The following LRRC28 variants were observed in gnomAD, a reference collection of about 807,000 sequenced individuals.
LRRC28 encodes leucine rich repeat containing 28, also known as leucine-rich repeat-containing protein 28.
In LRRC28, 39 loss-of-function variants were observed where a neutral mutation model predicts 45.7. The ratio of observed to expected loss-of-function variants is 0.85; its 90% CI spans 0.66 to 1.12. The LOEUF is 1.12. Ranked by LOEUF, LRRC28 falls within the 50% of genes most tolerant of loss-of-function variation. The pLI is 0.00. For synonymous variants in LRRC28, 206 were observed against 178.8 expected, an observed-to-expected ratio of 1.15 and a Z score of -1.22; for missense variants, 435 against 438.5, an observed-to-expected ratio of 0.99 and a Z score of 0.07.
intron 3 of LRRC28, chr15:99,285,719 G>A (rs2081940485): frequency 1.8e-6 from 1 of 563,630 alleles, no homozygotes; most frequent in East Asian, 3.5e-5. Context: ...ATAATAGTGG[G>A]TACTTTAGTT....
In LRRC28 at chr15:99,386,072, G is replaced by C; in HGVS notation, c.1074G>C (p.Gln358His). Reference protein sequence around the residue: ...VSFVAYCCSTQCLQTFDLLS With the variant: ...VSFVAYCCSTHCLQTFDLLS ...TTGTGGCTTACTGCTGCTCCACCCAGTGTCTGCAGACTTTTGACCTGCTGA... is the reference window on the plus strand; with the variant it reads ...TTGTGGCTTACTGCTGCTCCACCCACTGTCTGCAGACTTTTGACCTGCTGA... Residue 358 changes from glutamine (Q) to histidine (H), a missense_variant, in exon 10 of 10, where the codon CAG becomes CAC. By Grantham distance (24) the Gln-to-His change is conservative. Transcript: ENST00000301981. 1 of 1,614,140 alleles carries C rather than the reference G, an allele frequency of 6.2e-7. No homozygotes were observed. The highest frequency in any genetic ancestry group is 8.5e-7 in the Non-Finnish European group (1 of 1,180,016).
intron 2 of LRRC28, among the ~76,000 whole-genome samples, chr15:99,275,514 A>T (rs1334191464): frequency 6.6e-6 from 1 of 152,172 alleles, no homozygotes; most frequent in Non-Finnish European, 1.5e-5. Context: ...GAGGAGCATG[A>T]TTTGGGAATT....
intron 6 of LRRC28, among the ~76,000 whole-genome samples, chr15:99,339,559 C>T (rs942354616): frequency 6.6e-6 from 1 of 152,046 alleles, no homozygotes; most frequent in Non-Finnish European, 1.5e-5. Flanking sequence ...GGTGAAACCC[C>T]GTCTCTACTA....
At chr15:99,371,570 A>G (rs1256432951) in intron 9 of LRRC28, among the ~76,000 whole-genome samples, 1 of 152,158 alleles carries the variant, frequency 6.6e-6, no homozygotes, top group African/African-American at 2.4e-5. Context: ...GAAATGTTTC[A>G]TATTTCCTTA....
At chr15:99,374,328 T>A (rs2152335746) in intron 9 of LRRC28, among the ~76,000 whole-genome samples, 1 of 152,372 alleles carries the variant, frequency 6.6e-6, no homozygotes, top group East Asian at 1.9e-4. Flanking sequence ...CCTAAGTTTA[T>A]ATCAAAATAT....
intron 1 of LRRC28, among the ~76,000 whole-genome samples, chr15:99,252,191 C>T (rs2080835335): frequency 6.6e-6 from 1 of 152,254 alleles, no homozygotes; most frequent in African/African-American, 2.4e-5. Flanking sequence ...TATAACTATA[C>T]AAGAGGTAGT....
intron 5 of LRRC28, among the ~76,000 whole-genome samples, chr15:99,301,457 A>G (rs1954966132): frequency 6.6e-6 from 1 of 152,206 alleles, no homozygotes. Flanking sequence ...TGAACTTTAT[A>G]GATAAAACTA....
chr15:99,357,263 T>C (rs1227772190), intron 7 of LRRC28, among the ~76,000 whole-genome samples: 1 of 152,202 alleles, frequency 6.6e-6, no homozygotes, highest in Non-Finnish European at 1.5e-5. Context: ...CTCCTCACTA[T>C]AATAGGCCCA....
intron 5 of LRRC28, among the ~76,000 whole-genome samples, chr15:99,311,651 T>C (rs1032609563): frequency 6.6e-6 from 1 of 152,204 alleles, no homozygotes; most frequent in African/African-American, 2.4e-5. Flanking sequence ...TGTAATTGCC[T>C]GCAAGTTCAG....
chr15:99,268,781 G>A (rs1030870928), intron 2 of LRRC28, among the ~76,000 whole-genome samples: 3 of 152,084 alleles, frequency 2.0e-5, no homozygotes, highest in Admixed American at 2.0e-4. Context: ...ATTTTTGTGT[G>A]TATTTTTATA....
chr15:99,296,501 A>T (rs1481576949), intron 5 of LRRC28, among the ~76,000 whole-genome samples: 3 of 152,238 alleles, frequency 2.0e-5, no homozygotes, highest in African/African-American at 4.8e-5. Context: ...CACTGATTAC[A>T]CATCAGTCTG....
At chr15:99,324,527 C>G (rs1214280354) in intron 5 of LRRC28, among the ~76,000 whole-genome samples, 1 of 152,054 alleles carries the variant, frequency 6.6e-6, no homozygotes, top group Non-Finnish European at 1.5e-5. Flanking sequence ...GGCTTCCTTC[C>G]CATTCCCATT....
intron 2 of LRRC28, among the ~76,000 whole-genome samples, chr15:99,265,974 A>G (rs2081322511): frequency 6.6e-6 from 1 of 152,212 alleles, no homozygotes; most frequent in South Asian, 2.1e-4. Context: ...CTACTTGCTA[A>G]TTTTATTTTA....
chr15:99,284,436 A>C (rs150970588), intron 3 of LRRC28, among the ~76,000 whole-genome samples: 16 of 152,354 alleles, frequency 1.1e-4, no homozygotes, highest in African/African-American at 3.6e-4. Context: ...ACAGTTATTC[A>C]CAAATACAGT....
At chr15:99,266,003 AAAG>A (rs916838794) in intron 2 of LRRC28, among the ~76,000 whole-genome samples, 3 of 152,234 alleles carry the variant, frequency 2.0e-5, no homozygotes, top group African/African-American at 7.2e-5. Flanking sequence ...AATGGACAAA[AAAG>A]AGGTATCCAA....
chr15:99,381,352 G>A (rs972670549), intron 9 of LRRC28, among the ~76,000 whole-genome samples: 7 of 152,190 alleles, frequency 4.6e-5, no homozygotes, highest in Admixed American at 1.3e-4. Flanking sequence ...CATTTGTCAT[G>A]TAGTTCTCGC....
chr15:99,383,596 C>T (rs981688174), intron 9 of LRRC28, among the ~76,000 whole-genome samples: 1 of 152,212 alleles, frequency 6.6e-6, no homozygotes, highest in Non-Finnish European at 1.5e-5. Context: ...TTTGAAACTG[C>T]ACTGATGTAG....
At chr15:99,282,191 T>TTTTTTTTTTTTTTTTTTTTTTTTTG (rs1327794715) in intron 3 of LRRC28, among the ~76,000 whole-genome samples, 1 of 138,286 alleles carries the variant, frequency 7.2e-6, no homozygotes, top group Non-Finnish European at 1.6e-5. Flanking sequence ...TTTTTTTTTT[T>TTTTTTTTTTTTTTTTTTTTTTTTTG]GTAGCAGTAG....
At chr15:99,336,342 G>C (rs1373305190) in intron 6 of LRRC28, among the ~76,000 whole-genome samples, 4 of 152,130 alleles carry the variant, frequency 2.6e-5, no homozygotes, top group African/African-American at 9.7e-5. Context: ...GCTAGTAAGA[G>C]ACAGAATTGA....
Sources: gnomAD v4.1 joint callset for allele counts (sites outside exome capture counted in the v4.1 genomes callset) on GRCh38, gnomAD v4.1.1 for gene constraint, MANE v1.5 for transcripts, NCBI Gene and HGNC (gene_info 2026-07-23, HGNC 2026-07-21) for gene names.